RAP1A: variants seen among roughly 807,000 people sequenced by gnomAD.
RAP1A encodes the protein ras-related protein Rap-1A.
A neutral mutation model predicts 26.4 loss-of-function variants in RAP1A; 6 were observed. That is an observed-to-expected ratio of 0.23 (90% CI 0.12 to 0.45). RAP1A has a LOEUF of 0.45. Among genes scored for constraint, RAP1A ranks in the 20% least tolerant of loss-of-function variants. The pLI, the probability that RAP1A is intolerant of heterozygous loss-of-function variation, is 0.99. For missense variants in RAP1A, 121 were observed against 217.2 expected (o/e 0.56, Z 2.78); for synonymous variants, 73 against 79.4 (o/e 0.92, Z 0.43).
chr1:111,707,132 A>T (rs945980600), intron 6 of RAP1A, among the ~76,000 whole-genome samples: 1 of 152,210 alleles, frequency 6.6e-6, no homozygotes. Context: ...AGAGAGTTAA[A>T]TGATTTGAAG....
rs557689400 is a variant in RAP1A, at chr1:111,682,290, A to T, written c.-27-9044A>T. ...AGCTATGAAGAAACTGCATCAACTA[A>T]TGTGCAAAATAACCAGATCAAATTC... On this transcript the variant is annotated intron_variant, in intron 1 of 7. Transcript: ENST00000369709. 4.6e-5 allele frequency among the ~76,000 whole-genome samples: 7 copies of T among 152,318 alleles called. 1 individual carries two copies. The South Asian group carries it at 1.2e-3, about 27-fold the overall frequency.
intron 4 of RAP1A, among the ~76,000 whole-genome samples, chr1:111,701,623 GA>G (rs1361875262): frequency 2.6e-5 from 4 of 152,136 alleles, no homozygotes; most frequent in Non-Finnish European, 4.4e-5. Flanking sequence ...ATGTCCTTAA[GA>G]AGGAGGTTGG....
chr1:111,570,975 T>C (rs765772844), intron 1 of RAP1A, among the ~76,000 whole-genome samples: 12 of 152,312 alleles, frequency 7.9e-5, no homozygotes, highest in Middle Eastern at 3.4e-3. Context: ...TCAATTCAAT[T>C]CTGACACTAA....
chr1:111,613,224 G>C (rs1266719134), intron 1 of RAP1A, among the ~76,000 whole-genome samples: 1 of 150,968 alleles, frequency 6.6e-6, no homozygotes, highest in Non-Finnish European at 1.5e-5. Flanking sequence ...TTTTGAGACG[G>C]AGTCTTGCTC....
chr1:111,552,492 T>C (rs1478936700), intron 1 of RAP1A, among the ~76,000 whole-genome samples: 1 of 152,214 alleles, frequency 6.6e-6, no homozygotes, highest in Non-Finnish European at 1.5e-5. Context: ...TGTAGTTGCT[T>C]TTATGTTGGA....
In RAP1A at chr1:111,708,627, G is replaced by C. The variant is rs565497107; in HGVS notation, c.469-522G>C. Among the ~76,000 whole-genome samples, 7 of 152,312 alleles carry C rather than the reference G, an allele frequency of 4.6e-5. No homozygotes were observed. In the East Asian group the frequency reaches 1.4e-3, roughly 29 times the overall value. On this transcript the variant is annotated intron_variant, in intron 6 of 7. Coordinates refer to ENST00000369709, the MANE Select transcript of RAP1A (RefSeq NM_002884.4). ...TTGCTCTGTAGTTATACAAAATAATGTGTCAATCCTTAAATGTCTCAAGTG... is the reference window on the plus strand; with the variant it reads ...TTGCTCTGTAGTTATACAAAATAATCTGTCAATCCTTAAATGTCTCAAGTG...
At chr1:111,645,552 G>C (rs1309718816) in intron 1 of RAP1A, among the ~76,000 whole-genome samples, 2 of 152,202 alleles carry the variant, frequency 1.3e-5, no homozygotes, top group African/African-American at 4.8e-5. Context: ...ATTTGCGGGT[G>C]AAACAACAGG....
At chr1:111,688,097 CTTTT>C (rs542315869) in intron 1 of RAP1A, among the ~76,000 whole-genome samples, 1 of 124,136 alleles carries the variant, frequency 8.1e-6, no homozygotes, top group Non-Finnish European at 1.6e-5. Context: ...TTGCCTCCAG[CTTTT>C]TTTTTTTTTT....
intron 1 of RAP1A, among the ~76,000 whole-genome samples, chr1:111,677,228 G>A (rs1412976488): frequency 1.3e-5 from 2 of 152,144 alleles, no homozygotes; most frequent in East Asian, 1.9e-4. Context: ...GTAGTATTCC[G>A]TCAGTTGGAT....
At chr1:111,621,797 T>G (rs376868831) in intron 1 of RAP1A, among the ~76,000 whole-genome samples, 1 of 152,194 alleles carries the variant, frequency 6.6e-6, no homozygotes, top group Non-Finnish European at 1.5e-5. Flanking sequence ...AACCATGAAC[T>G]TATGTCTTAG....
At chr1:111,681,549 A>G (rs191169675) in intron 1 of RAP1A, among the ~76,000 whole-genome samples, 17 of 152,324 alleles carry the variant, frequency 1.1e-4, no homozygotes, top group African/African-American at 3.8e-4. Flanking sequence ...AACTTTGTGA[A>G]GCATACACAA....
intron 1 of RAP1A, among the ~76,000 whole-genome samples, chr1:111,671,482 T>G (rs2101183340): frequency 6.6e-6 from 1 of 152,210 alleles, no homozygotes; most frequent in South Asian, 2.1e-4. Context: ...TTTCTTTCTT[T>G]TTTTTTGTTT....
intron 1 of RAP1A, among the ~76,000 whole-genome samples, chr1:111,546,591 T>C (rs1657042257): frequency 6.6e-6 from 1 of 152,190 alleles, no homozygotes; most frequent in Middle Eastern, 3.2e-3. Flanking sequence ...TTGTAGCATG[T>C]GTCAGAATTT....
chr1:111,713,285 G>T lies in RAP1A; in HGVS notation c.*884G>T, dbSNP rs1454897599. 6.6e-6 allele frequency: 1 copy of T among 152,076 alleles called. No individual in the cohort carries two copies. The highest frequency in any genetic ancestry group is 1.5e-5 in the Non-Finnish European group (1 of 67,970). The allele number at this position is 152,076 out of a possible 1,614,324, so 9.4% of individuals were successfully genotyped here. On this transcript the variant is annotated 3_prime_UTR_variant, in exon 8 of 8. Coordinates refer to ENST00000369709, the MANE Select transcript of RAP1A (RefSeq NM_002884.4). ...TCTAGGAACAGACCTCGCACTTTCT[G>T]TTCTAAATATATTTATTCCTACTAT...
intron 1 of RAP1A, among the ~76,000 whole-genome samples, chr1:111,625,182 ACCTAGGTGTATACG>A (rs1415375909): frequency 6.6e-6 from 1 of 152,208 alleles, no homozygotes; most frequent in Non-Finnish European, 1.5e-5. Flanking sequence ...TACCTTGAAC[ACCTAGGTGTATACG>A]CCTATAACAT....
chr1:111,596,697 G>A (rs1290901555), intron 1 of RAP1A, among the ~76,000 whole-genome samples: 2 of 152,226 alleles, frequency 1.3e-5, no homozygotes, highest in East Asian at 3.8e-4. Context: ...GGTGGCTGGC[G>A]AGGGCCCACT....
intron 2 of RAP1A, among the ~76,000 whole-genome samples, chr1:111,694,373 A>G (rs898369286): frequency 6.6e-6 from 1 of 152,248 alleles, no homozygotes; most frequent in African/African-American, 2.4e-5. Flanking sequence ...TCAAGCTAAA[A>G]TAGTATATCA....
At chr1:111,572,553 A>C (rs1658071408) in intron 1 of RAP1A, among the ~76,000 whole-genome samples, 1 of 152,182 alleles carries the variant, frequency 6.6e-6, no homozygotes, top group African/African-American at 2.4e-5. Flanking sequence ...AGCAGTAGAG[A>C]CAGGCCTGGG....
intron 6 of RAP1A, 43 bp from the exon 7 acceptor site, chr1:111,709,106 A>G (rs1662291537): frequency 6.3e-7 from 1 of 1,579,860 alleles, no homozygotes; most frequent in South Asian, 1.2e-5. Context: ...ACAAAGTCTC[A>G]AAAACTGGTG....
Sources: gnomAD v4.1 joint callset for allele counts (sites outside exome capture counted in the v4.1 genomes callset) on GRCh38, gnomAD v4.1.1 for gene constraint, MANE v1.5 for transcripts, NCBI Gene and HGNC (gene_info 2026-07-23, HGNC 2026-07-21) for gene names.